The following MRPL13 variants were observed in gnomAD, a reference collection of about 807,000 sequenced individuals.
MRPL13 encodes the protein large ribosomal subunit protein uL13m.
Under a neutral mutation model 29.0 loss-of-function variants are expected in MRPL13, and 33 were observed. The ratio of observed to expected loss-of-function variants is 1.14; its 90% CI spans 0.86 to 1.52. The LOEUF (loss-of-function observed/expected upper bound fraction) is 1.52. Among genes scored for constraint, MRPL13 ranks in the 40% most tolerant of loss-of-function variants. The probability of loss-of-function intolerance (pLI) is 0.00; values close to 1 mark genes in which losing one functional copy is unlikely to be tolerated. For synonymous variants in MRPL13, 77 were observed against 68.4 expected, an observed-to-expected ratio of 1.13 and a Z score of -0.62; for missense variants, 227 against 216.7, an observed-to-expected ratio of 1.05 and a Z score of -0.30.
At chr8:120,440,236 G>A (rs1813102327) in intron 2 of MRPL13, among the ~76,000 whole-genome samples, 1 of 152,206 alleles carries the variant, frequency 6.6e-6, no homozygotes, top group African/African-American at 2.4e-5. Flanking sequence ...ATAAATGCCT[G>A]AGCAGAAATC....
intron 2 of MRPL13, among the ~76,000 whole-genome samples, chr8:120,436,612 T>G (rs1021407922): frequency 6.6e-6 from 1 of 152,162 alleles, no homozygotes. Context: ...TTTCTTCCCC[T>G]TTATAGGGTT....
At chr8:120,397,088 C>T (rs971125146) in intron 6 of MRPL13, among the ~76,000 whole-genome samples, 3 of 152,156 alleles carry the variant, frequency 2.0e-5, no homozygotes, top group Non-Finnish European at 2.9e-5. Flanking sequence ...CTCCCAGCCA[C>T]GGGAAGCAGT....
intron 6 of MRPL13, among the ~76,000 whole-genome samples, chr8:120,396,624 A>C (rs982330107): frequency 6.6e-6 from 1 of 152,228 alleles, no homozygotes. Context: ...ATTTATTTAC[A>C]AACATAACTG....
intron 2 of MRPL13, among the ~76,000 whole-genome samples, chr8:120,435,802 C>T (rs942326055): frequency 2.3e-4 from 35 of 151,962 alleles, no homozygotes; most frequent in Admixed American, 2.3e-3. Flanking sequence ...ATTTTTTGAC[C>T]TTTTAATGAT....
At chr8:120,420,895 T>C (rs1812865031) in intron 4 of MRPL13, among the ~76,000 whole-genome samples, 1 of 151,974 alleles carries the variant, frequency 6.6e-6, no homozygotes, top group African/African-American at 2.4e-5. Context: ...AAATCTGCCC[T>C]ATTAGAAAAT....
intron 4 of MRPL13, among the ~76,000 whole-genome samples, chr8:120,420,490 T>A (rs1387762319): frequency 6.8e-6 from 1 of 147,260 alleles, no homozygotes; most frequent in East Asian, 1.9e-4. Context: ...ATATATAAAA[T>A]ATATATAAAT....
intron 6 of MRPL13, among the ~76,000 whole-genome samples, chr8:120,403,235 C>T (rs1812623008): frequency 6.6e-6 from 1 of 152,120 alleles, no homozygotes; most frequent in Non-Finnish European, 1.5e-5. Flanking sequence ...ATAGCAAAGA[C>T]ATGGAATCAA....
chr8:120,416,886 TTTTATC>T (rs1812809619), intron 5 of MRPL13, among the ~76,000 whole-genome samples: 2 of 152,224 alleles, frequency 1.3e-5, no homozygotes, highest in Non-Finnish European at 2.9e-5. Context: ...ATGAAATACT[TTTTATC>T]TAATATACAG....
chr8:120,396,160 C>A, intron 6 of MRPL13, 35 bp from the exon 7 acceptor site: 1 of 1,511,776 alleles, frequency 6.6e-7, no homozygotes, highest in South Asian at 1.2e-5. Flanking sequence ...CTTCATGAAT[C>A]ATTATTTTGT....
At chr8:120,400,737 TAAATAAAAA>T (rs1169837597) in intron 6 of MRPL13, among the ~76,000 whole-genome samples, 1 of 140,092 alleles carries the variant, frequency 7.1e-6, no homozygotes, top group African/African-American at 2.9e-5. Flanking sequence ...AATAAATAAA[TAAATAAAAA>T]AAATAGACTG....
At chr8:120,415,370 T>C (rs1295741975) in intron 5 of MRPL13, 2 of 152,152 alleles carry the variant, frequency 1.3e-5, no homozygotes, top group East Asian at 3.9e-4. Flanking sequence ...CAGAGCGCAC[T>C]ATTACAAGTG....
intron 4 of MRPL13, 135 bp downstream of exon 4, chr8:120,425,170 GT>G (rs1235054224): frequency 3.5e-6 from 2 of 564,228 alleles, no homozygotes; most frequent in African/African-American, 1.9e-5. Context: ...TTATCAAAAC[GT>G]GTGTGATACA....
At chr8:120,424,710 G>A (rs1399638083) in intron 4 of MRPL13, among the ~76,000 whole-genome samples, 2 of 152,078 alleles carry the variant, frequency 1.3e-5, no homozygotes, top group African/African-American at 4.8e-5. Context: ...AGGCTGCAGT[G>A]AGCTATCATT....
At position 120,439,407 on chromosome 8, in the gene MRPL13, A is replaced by G. The variant is rs544058827; in HGVS notation, c.151+3778T>C. On this transcript the variant is annotated intron_variant, in intron 2 of 6. Coordinates refer to ENST00000306185, the MANE Select transcript of MRPL13 (RefSeq NM_014078.6). ...GCTTGTTATTATACTGCTGTTGGTC[A>G]CAAGTTCAGTGTTAAGATATCTTTA... is the stretch of plus-strand genomic sequence containing the variant. 3.7e-4 allele frequency among the ~76,000 whole-genome samples: 56 copies of G among 152,364 alleles called. 3 individuals carry two copies. Among genetic ancestry groups the G allele is most frequent in the African/African-American group, 1.2e-3 (51 of 41,580 alleles).
At chr8:120,442,994 G>A (rs906003115) in intron 2 of MRPL13, among the ~76,000 whole-genome samples, 191 bp downstream of exon 2, 1 of 152,140 alleles carries the variant, frequency 6.6e-6, no homozygotes, top group African/African-American at 2.4e-5. Context: ...CGGGTAAACT[G>A]ATCCATACGG....
At chr8:120,436,837 A>C (rs1813059919) in intron 2 of MRPL13, among the ~76,000 whole-genome samples, 2 of 152,306 alleles carry the variant, frequency 1.3e-5, no homozygotes, top group South Asian at 2.1e-4. Context: ...TAAACAACAA[A>C]GTTTGGCTTT....
At chr8:120,423,874 T>G (rs1329982477) in intron 4 of MRPL13, among the ~76,000 whole-genome samples, 2 of 152,088 alleles carry the variant, frequency 1.3e-5, no homozygotes, top group Admixed American at 6.6e-5. Flanking sequence ...GGAAGAGTTT[T>G]TTTAAAAACC....
At chr8:120,418,090 T>C (rs1381474580) in intron 5 of MRPL13, among the ~76,000 whole-genome samples, 1 of 152,132 alleles carries the variant, frequency 6.6e-6, no homozygotes, top group Non-Finnish European at 1.5e-5. Flanking sequence ...CGCACATAAA[T>C]ATATGCTTGT....
At chr8:120,406,632 C>A (rs1812671844) in intron 6 of MRPL13, among the ~76,000 whole-genome samples, 1 of 148,916 alleles carries the variant, frequency 6.7e-6, no homozygotes, top group Non-Finnish European at 1.5e-5. Context: ...ATTTTATATA[C>A]AATTTATATA....
Sources: allele counts gnomAD v4.1 joint callset (sites outside exome capture counted in the v4.1 genomes callset), GRCh38; gene constraint gnomAD v4.1.1; transcripts MANE v1.5; gene names NCBI Gene and HGNC (gene_info 2026-07-23, HGNC 2026-07-21).